Variants in C1orf141 observed in about 807,000 individuals in gnomAD.
C1orf141 encodes the protein uncharacterized protein C1orf141.
In C1orf141, 19 loss-of-function variants were observed where a neutral mutation model predicts 23.2. That is an observed-to-expected ratio of 0.82 (90% CI 0.57 to 1.20). The LOEUF (loss-of-function observed/expected upper bound fraction) is 1.20. Ranked by LOEUF, C1orf141 falls within the 50% of genes most tolerant of loss-of-function variation. The pLI is 0.00. For missense variants in C1orf141, 469 were observed against 455.1 expected (o/e 1.03, Z -0.28); for synonymous variants, 153 against 154.6 (o/e 0.99, Z 0.08).
rs11336462 is a variant in C1orf141 at position 67,125,928 on chromosome 1, G to GAAAAAA, written c.76-25_76-20dup. On this transcript the variant is annotated intron_variant, in intron 3 of 7. Transcript: ENST00000684719. Reference sequence around the variant, plus strand: ...TGTTTATCTGCAGCAATGCCAAAGTGAAAAAAAAAAAAAAAAAAAGAGTAC... The same window carrying GAAAAAA: ...TGTTTATCTGCAGCAATGCCAAAGTGAAAAAAAAAAAAAAAAAAAAAAAAAGAGTAC... The GAAAAAA allele has an allele frequency of 3.8e-5, 45 of 1,183,568 alleles. No individual in the cohort carries two copies. Among genetic ancestry groups the GAAAAAA allele is most frequent in the Middle Eastern group, 2.3e-4 (1 of 4,314 alleles). 73.3% of individuals were successfully genotyped at this position (1,183,568 alleles called of 1,614,324 possible).
At chr1:67,109,495 C>A (rs1437387316) in intron 5 of C1orf141, among the ~76,000 whole-genome samples, 1 of 152,120 alleles carries the variant, frequency 6.6e-6, no homozygotes, top group Non-Finnish European at 1.5e-5. Context: ...CCTCCAAGAA[C>A]ATTGGAATGG....
At chr1:67,139,839 C>A (rs1646619046), upstream of C1orf141, among the ~76,000 whole-genome samples, 1 of 152,212 alleles carries the variant, frequency 6.6e-6, no homozygotes, top group African/African-American at 2.4e-5. Context: ...CTGCACCCAG[C>A]TTGGTGGGGC....
At chr1:67,112,458 T>C (rs1646094570) in intron 5 of C1orf141, among the ~76,000 whole-genome samples, 1 of 152,108 alleles carries the variant, frequency 6.6e-6, no homozygotes, top group Non-Finnish European at 1.5e-5. Context: ...CCCCAGCACT[T>C]TGGGAGGCCA....
intron 5 of C1orf141, among the ~76,000 whole-genome samples, chr1:67,101,657 A>C (rs1489912219): frequency 6.6e-6 from 1 of 152,002 alleles, no homozygotes; most frequent in Non-Finnish European, 1.5e-5. Flanking sequence ...GTTAGGGATA[A>C]AATGTCCCAC....
chr1:67,095,113 G>A (rs1406680505), intron 7 of C1orf141, 122 bp downstream of exon 7: 1 of 598,230 alleles, frequency 1.7e-6, no homozygotes, highest in African/African-American at 1.9e-5. Context: ...TATCACTTTG[G>A]AATATGAAAC....
Position 67,132,238 on chromosome 1 carries a change from C to T in C1orf141, c.-103-1011G>A, listed in dbSNP as rs567597889. Among the ~76,000 whole-genome samples, 17 of 152,102 alleles carry T rather than the reference C, an allele frequency of 1.1e-4. No individual in the cohort carries two copies. The South Asian group carries it at 2.7e-3, about 24-fold the overall frequency. ...TACACCAGGTTTTAAGAGGTTTACT[C>T]GCTGGGCGTGGTGGCTCACATCTGT... is the stretch of plus-strand genomic sequence containing the variant. On this transcript the variant is annotated intron_variant, in intron 1 of 7. Transcript: ENST00000684719.
At chr1:67,109,299 C>A (rs531460476) in intron 5 of C1orf141, among the ~76,000 whole-genome samples, 1 of 132,304 alleles carries the variant, frequency 7.6e-6, no homozygotes, top group East Asian at 2.2e-4. Context: ...TGCACTCCAG[C>A]CTGGGCGACA....
intron 5 of C1orf141, among the ~76,000 whole-genome samples, chr1:67,107,237 A>C (rs1645949033): frequency 6.6e-6 from 1 of 151,700 alleles, no homozygotes; most frequent in Admixed American, 6.6e-5. Flanking sequence ...AACAAATAAA[A>C]AGAGAGATAA....
Position 67,103,955 on chromosome 1 carries a change from C to T in C1orf141, c.347-7634G>A, listed in dbSNP as rs149320555. ...AATATAAACTGAATACTTTGTGATT[C>T]TCTGTTAACAAGCTAAACAAATAAA... On this transcript the variant is annotated intron_variant, in intron 5 of 7. Transcript: ENST00000684719. 6.0e-3 allele frequency among the ~76,000 whole-genome samples: 906 copies of T among 152,160 alleles called. 21 individuals carry two copies. Among genetic ancestry groups the T allele is most frequent in the Admixed American group, 0.043 (662 of 15,270 alleles).
At chr1:67,132,293 G>A (rs2102510189) in intron 1 of C1orf141, among the ~76,000 whole-genome samples, 1 of 152,106 alleles carries the variant, frequency 6.6e-6, no homozygotes, top group Middle Eastern at 3.4e-3. Context: ...GCTGAGGCAG[G>A]TGGATCACTT....
At chr1:67,115,071 G>A (rs1446820825) in intron 5 of C1orf141, among the ~76,000 whole-genome samples, 1 of 152,208 alleles carries the variant, frequency 6.6e-6, no homozygotes, top group East Asian at 1.9e-4. Context: ...GAAATTCTCA[G>A]CATTGAGCTG....
In C1orf141 at chr1:67,113,562, G is replaced by A. The variant is rs2144655; in HGVS notation, c.346+1790C>T. Reference sequence around the variant, plus strand: ...GTATTTTTAGTACAGACAGGGTTTCGCCATGTTGGTCAGGCTGGCCTCAAA... The same window carrying A: ...GTATTTTTAGTACAGACAGGGTTTCACCATGTTGGTCAGGCTGGCCTCAAA... On this transcript the variant is annotated intron_variant, in intron 5 of 7. Coordinates refer to ENST00000684719, the MANE Select transcript of C1orf141 (RefSeq NM_001276351.2). 0.67 allele frequency: 223,325 copies of A among 333,618 alleles called. 75,650 individuals are homozygous for A. The highest frequency in any genetic ancestry group is 0.8 in the East Asian group (7,842 of 9,864). 20.7% of individuals were successfully genotyped at this position (333,618 alleles called of 1,614,324 possible).
At chr1:67,140,786 A>C (rs1003778638) in intron 1 of C1orf141, among the ~76,000 whole-genome samples, 1 of 152,164 alleles carries the variant, frequency 6.6e-6, no homozygotes, top group Non-Finnish European at 1.5e-5. Context: ...TCTATCATCT[A>C]TTTATTGAAT....
intron 3 of C1orf141, 92 bp from the exon 4 acceptor site, chr1:67,126,001 T>TACACAC: frequency 8.5e-7 from 1 of 1,182,930 alleles, no homozygotes; most frequent in Non-Finnish European, 1.1e-6. Context: ...AATCTCACTT[T>TACACAC]ACACACACAC....
chr1:67,117,144 C>T (rs1048480272), intron 4 of C1orf141, among the ~76,000 whole-genome samples: 4 of 152,180 alleles, frequency 2.6e-5, no homozygotes, highest in South Asian at 2.1e-4. Context: ...CCTAATAGGC[C>T]GGGCGCGGTG....
chr1:67,125,782 T>C lies in C1orf141; in HGVS notation c.203A>G (p.Asp68Gly), dbSNP rs1646397407. ...ASKAISKIKE[D>G]KSCSITKSKM... ...TGATTTTGTAATGCTGCATGACTTG[T>C]CTTCTTTGATCTTTGATATTGCCTT... The change falls in exon 4 of 8, where the codon GAC becomes GGC. Residue 68 changes from aspartate (D) to glycine (G), a missense_variant. This residue lies in a region of C1orf141 where 95 missense variants were observed against 90.3 expected (regional missense o/e 1.05). Coordinates refer to ENST00000684719, the MANE Select transcript of C1orf141 (RefSeq NM_001276351.2). The C allele has an allele frequency of 6.2e-7, 1 of 1,613,312 alleles. No individual in the cohort carries two copies. Among genetic ancestry groups the C allele is most frequent in the Non-Finnish European group, 8.5e-7 (1 of 1,179,466 alleles).
chr1:67,096,385 G>T, intron 5 of C1orf141, 64 bp from the exon 6 acceptor site: 3 of 816,448 alleles, frequency 3.7e-6, no homozygotes, highest in Non-Finnish European at 4.0e-6. Context: ...AAAATATCTT[G>T]CACAAAATAT....
Position 67,109,326 on chromosome 1 carries a change from C to CAAAA in C1orf141, c.346+6022_346+6025dup, listed in dbSNP as rs58157985. On this transcript the variant is annotated intron_variant, in intron 5 of 7. Coordinates refer to ENST00000684719, the MANE Select transcript of C1orf141 (RefSeq NM_001276351.2). ...TGGGCGACAGAGCGAGACTCCGTCT[C>CAAAA]AAAAAAAAAAAAAAAAAAAAAAAAA... is the stretch of plus-strand genomic sequence containing the variant. Among the ~76,000 whole-genome samples the CAAAA allele has an allele frequency of 6.9e-3, 579 of 83,386 alleles. 24 individuals are homozygous for CAAAA. Among genetic ancestry groups the CAAAA allele is most frequent in the African/African-American group, 0.027 (553 of 20,282 alleles). The allele number at this position is 83,386 out of a possible 152,430, so 54.7% of individuals were successfully genotyped here. A position where few individuals can be genotyped will look rare whatever the true frequency, so the allele number is the denominator to read the frequency against.
At chr1:67,131,786 C>CTTTTTTTTT (rs796496335) in intron 1 of C1orf141, among the ~76,000 whole-genome samples, 2 of 121,514 alleles carry the variant, frequency 1.6e-5, no homozygotes, top group Non-Finnish European at 3.4e-5. Context: ...ACTACCTCTT[C>CTTTTTTTTT]TTTTTTTTTT....
Sources: gnomAD v4.1 joint callset for allele counts (sites outside exome capture counted in the v4.1 genomes callset) on GRCh38, gnomAD v4.1.1 for gene constraint, gnomAD v4.1.1 regional missense constraint, MANE v1.5 for transcripts, NCBI Gene and HGNC (gene_info 2026-07-23, HGNC 2026-07-21) for gene names.